Variants in MAPKAP1 observed in about 807,000 individuals in gnomAD.
MAPKAP1 encodes MAPK associated protein 1, also known as target of rapamycin complex 2 subunit MAPKAP1.
A neutral mutation model predicts 65.7 loss-of-function variants in MAPKAP1; 20 were observed. That is an observed-to-expected ratio of 0.30 (90% confidence interval 0.21 to 0.44). The LOEUF (loss-of-function observed/expected upper bound fraction) is 0.44, where lower values mean the gene tolerates loss of function less well. Ranked by LOEUF, MAPKAP1 falls within the 20% of genes least tolerant of loss-of-function variation. The probability of loss-of-function intolerance (pLI) is 1.00; values close to 1 mark genes in which losing one functional copy is unlikely to be tolerated. For missense variants in MAPKAP1, 423 were observed against 648.0 expected (o/e 0.65, Z 3.77); for synonymous variants, 222 against 244.3 (o/e 0.91, Z 0.85).
chr9:125,680,592 G>A (rs180705052), intron 1 of MAPKAP1, among the ~76,000 whole-genome samples: 2 of 152,192 alleles, frequency 1.3e-5, no homozygotes, highest in East Asian at 3.9e-4. Context: ...TGGAGAGTTT[G>A]TTTCTTCTTT....
chr9:125,454,922 A>G (rs1478416184), intron 10 of MAPKAP1, among the ~76,000 whole-genome samples: 3 of 152,156 alleles, frequency 2.0e-5, no homozygotes, highest in Non-Finnish European at 4.4e-5. Context: ...GCAGTGGCTC[A>G]TGCCTGTAAT....
intron 7 of MAPKAP1, among the ~76,000 whole-genome samples, chr9:125,508,037 G>A (rs996360563): frequency 2.0e-5 from 3 of 151,996 alleles, no homozygotes; most frequent in African/African-American, 7.2e-5. Context: ...ATGGTGGTGC[G>A]CACCTGTAGT....
At chr9:125,474,517 G>A (rs1462625800) in intron 9 of MAPKAP1, among the ~76,000 whole-genome samples, 2 of 152,156 alleles carry the variant, frequency 1.3e-5, no homozygotes, top group African/African-American at 2.4e-5. Context: ...TCTGTAAAAT[G>A]TACTAGCCTA....
intron 7 of MAPKAP1, chr9:125,542,821 T>C (rs768711179): frequency 7.9e-6 from 5 of 635,820 alleles, no homozygotes; most frequent in Non-Finnish European, 1.5e-5. Flanking sequence ...AAATTATTAA[T>C]GAAGGAACTT....
intron 4 of MAPKAP1, among the ~76,000 whole-genome samples, chr9:125,623,963 G>A (rs1387775514): frequency 5.0e-3 from 136 of 27,392 alleles, no homozygotes; most frequent in South Asian, 0.01. Flanking sequence ...CCGGCCAGCC[G>A]CCCCGTCCGG....
At chr9:125,557,416 GA>G (rs202040182) in intron 6 of MAPKAP1, among the ~76,000 whole-genome samples, 8 of 151,116 alleles carry the variant, frequency 5.3e-5, no homozygotes, top group East Asian at 3.9e-4. Flanking sequence ...TTTTAGAGTA[GA>G]AAAAAAAACT....
intron 1 of MAPKAP1, among the ~76,000 whole-genome samples, chr9:125,679,929 C>T (rs1456916597): frequency 6.6e-6 from 1 of 152,182 alleles, no homozygotes; most frequent in Non-Finnish European, 1.5e-5. Flanking sequence ...TCAAAAATTA[C>T]TGCTGCCCCA....
At chr9:125,492,520 T>C (rs1377475011) in intron 8 of MAPKAP1, among the ~76,000 whole-genome samples, 1 of 152,244 alleles carries the variant, frequency 6.6e-6, no homozygotes, top group East Asian at 1.9e-4. Flanking sequence ...AAAAGTGTTT[T>C]CATAGATGTG....
At chr9:125,490,671 T>C (rs868059158) in intron 8 of MAPKAP1, among the ~76,000 whole-genome samples, 2 of 152,230 alleles carry the variant, frequency 1.3e-5, no homozygotes, top group Non-Finnish European at 2.9e-5. Flanking sequence ...TATTCTTCCC[T>C]TTTTCAACAA....
chr9:125,693,498 C>T (rs937638824), intron 1 of MAPKAP1, among the ~76,000 whole-genome samples: 1 of 146,950 alleles, frequency 6.8e-6, no homozygotes, highest in Admixed American at 7.0e-5. Flanking sequence ...TATATACACA[C>T]ATATATACAC....
At chr9:125,683,719 G>C (rs997361592) in intron 1 of MAPKAP1, among the ~76,000 whole-genome samples, 3 of 152,152 alleles carry the variant, frequency 2.0e-5, no homozygotes, top group Admixed American at 1.3e-4. Context: ...CATGACTCCT[G>C]ACTCACCGTG....
chr9:125,657,242 G>T (rs141667178), intron 4 of MAPKAP1, among the ~76,000 whole-genome samples: 1 of 151,712 alleles, frequency 6.6e-6, no homozygotes, highest in African/African-American at 2.4e-5. Flanking sequence ...GAGATAAAAC[G>T]GATTAAAAAT....
Position 125,439,605 on chromosome 9 carries a change from T to C in MAPKAP1, c.1444-593A>G, listed in dbSNP as rs893559012. 2.6e-5 allele frequency among the ~76,000 whole-genome samples: 4 copies of C among 151,950 alleles called. No homozygotes were observed. The highest frequency in any genetic ancestry group is 7.3e-5 in the African/African-American group (3 of 41,368). ...GGCCTAGGCCACGTGGAAGTCAGGG[T>C]GAGAGCTGTGAGGGGGCTGAAAGAG... On this transcript the variant is annotated intron_variant, in intron 11 of 11. Coordinates refer to ENST00000265960, the MANE Select transcript of MAPKAP1 (RefSeq NM_001006617.3). The surrounding 1 kb of genome is among the most constrained non-coding windows in gnomAD (Gnocchi z 4.0).
intron 8 of MAPKAP1, among the ~76,000 whole-genome samples, chr9:125,502,060 G>C (rs376740454): frequency 1.3e-5 from 2 of 149,306 alleles, no homozygotes; most frequent in East Asian, 3.9e-4. Context: ...TCAATTTCTT[G>C]AGCTGAATGC....
intron 1 of MAPKAP1, among the ~76,000 whole-genome samples, chr9:125,682,438 G>T (rs894104722): frequency 2.6e-5 from 4 of 152,162 alleles, no homozygotes; most frequent in Non-Finnish European, 5.9e-5. Flanking sequence ...TATTTTCAAA[G>T]TGTTTTGAAA....
At position 125,595,848 on chromosome 9, in the gene MAPKAP1, C is replaced by T. The variant is rs896616825; in HGVS notation, c.499-10121G>A. 8 of 1,134,726 alleles carry T rather than the reference C, an allele frequency of 7.1e-6. No homozygotes were observed. The highest frequency in any genetic ancestry group is 6.1e-5 in the African/African-American group (4 of 65,800). 70.3% of individuals were successfully genotyped at this position (1,134,726 alleles called of 1,614,324 possible). ...CGTTCCGGGGGTTTTGGGTTTGTCA[C>T]CTATGCCACTGTGGAGGAGGTGGAT... On this transcript the variant is annotated intron_variant, in intron 4 of 11. Transcript: ENST00000265960. This position sits in a 1 kb window ranked among gnomAD's most constrained non-coding sequence, Gnocchi z 4.0.
chr9:125,627,484 T>G (rs769750688), intron 4 of MAPKAP1, among the ~76,000 whole-genome samples: 4 of 152,160 alleles, frequency 2.6e-5, no homozygotes, highest in Non-Finnish European at 5.9e-5. Flanking sequence ...GAGATGGGAA[T>G]AGTGAAGGCA....
chr9:125,464,712 C>T (rs890295792), intron 10 of MAPKAP1, among the ~76,000 whole-genome samples: 1 of 152,182 alleles, frequency 6.6e-6, no homozygotes, highest in African/African-American at 2.4e-5. Flanking sequence ...CTGTTGTTTA[C>T]GAAGCACGGC....
At chr9:125,465,121 C>T (rs1419855553) in intron 10 of MAPKAP1, among the ~76,000 whole-genome samples, 3 of 152,188 alleles carry the variant, frequency 2.0e-5, no homozygotes, top group African/African-American at 4.8e-5. Context: ...CGGCAAGACA[C>T]TTGTGCTACC....
Sources: gnomAD v4.1 joint callset for allele counts (sites outside exome capture counted in the v4.1 genomes callset) on GRCh38, gnomAD v4.1.1 for gene constraint, Gnocchi (gnomAD v3.1) non-coding constraint, MANE v1.5 for transcripts, NCBI Gene and HGNC (gene_info 2026-07-23, HGNC 2026-07-21) for gene names.